ABHD6: variants seen among roughly 807,000 people sequenced by gnomAD.
ABHD6 encodes abhydrolase domain containing 6, acylglycerol lipase.
Under a neutral mutation model 38.8 loss-of-function variants are expected in ABHD6, and 33 were observed. That is an observed-to-expected ratio of 0.85 (90% CI 0.64 to 1.14). The LOEUF is 1.14. Ranked by LOEUF, ABHD6 falls within the 50% of genes most tolerant of loss-of-function variation. The probability of loss-of-function intolerance (pLI) is 0.00; values close to 1 mark genes in which losing one functional copy is unlikely to be tolerated. For missense variants in ABHD6, 380 were observed against 422.6 expected, an observed-to-expected ratio of 0.90 and a Z score of 0.88; for synonymous variants, 147 against 161.6, an observed-to-expected ratio of 0.91 and a Z score of 0.69.
At position 58,263,610 on chromosome 3, in the gene ABHD6, C is replaced by T. The variant is rs777073746; in HGVS notation, c.120-3579C>T. Among the ~76,000 whole-genome samples the T allele has an allele frequency of 3.3e-5, 5 of 152,280 alleles. No homozygotes were observed. The highest frequency in any genetic ancestry group is 1.9e-4 in the East Asian group (1 of 5,186). ...GGTTCAAGTCATACTTGGCTCTCCC[C>T]GAGGCCCTTGCCTCTGCTGTCTCTA... On this transcript the variant is annotated intron_variant, in intron 3 of 9. Transcript: ENST00000478253. This position sits in a 1 kb window ranked among gnomAD's most constrained non-coding sequence, Gnocchi z 4.9.
Position 58,293,912 on chromosome 3 carries a change from C to T in ABHD6, c.*147C>T, listed in dbSNP as rs997752347. The T allele has an allele frequency of 2.7e-5, 23 of 848,222 alleles. No homozygotes were observed. The Admixed American group carries it at 3.3e-4, about 12-fold the overall frequency. 52.5% of individuals were successfully genotyped at this position (848,222 alleles called of 1,614,324 possible). ...GCCCGTCCCTTATCCCTGGTATCCA[C>T]GGTTCCCCAGAGCTTTGGGGACCAC... On this transcript the variant is annotated 3_prime_UTR_variant, in exon 10 of 10. Transcript: ENST00000478253. This position sits in a 1 kb window ranked among gnomAD's most constrained non-coding sequence, Gnocchi z 4.4.
rs1411918025 is a variant in ABHD6 at position 58,267,044 on chromosome 3, C to G, written c.120-145C>G. 1 of 852,560 alleles carries G rather than the reference C, an allele frequency of 1.2e-6. No individual in the cohort carries two copies. The highest frequency in any genetic ancestry group is 1.7e-5 in the African/African-American group (1 of 59,040). 52.8% of individuals were successfully genotyped at this position (852,560 alleles called of 1,614,324 possible). A position where few individuals can be genotyped will look rare whatever the true frequency, so the allele number is the denominator to read the frequency against. On this transcript the variant is annotated intron_variant, in intron 3 of 9. Transcript: ENST00000478253. This position sits in a 1 kb window ranked among gnomAD's most constrained non-coding sequence, Gnocchi z 4.3. ...TCCTTGAGGGTAAAGCTCAGGAGGACTCTAGAGACTGATGGAGGACAAGGG... is the reference window on the plus strand; with the variant it reads ...TCCTTGAGGGTAAAGCTCAGGAGGAGTCTAGAGACTGATGGAGGACAAGGG...
At chr3:58,258,802 A>G (rs2097435075) in intron 3 of ABHD6, among the ~76,000 whole-genome samples, 1 of 152,072 alleles carries the variant, frequency 6.6e-6, no homozygotes, top group East Asian at 1.9e-4. Context: ...AACTAATTGA[A>G]TGGAAGGGAG....
intron 6 of ABHD6, among the ~76,000 whole-genome samples, chr3:58,272,802 C>A (rs554607433): frequency 2.1e-4 from 32 of 152,092 alleles, no homozygotes; most frequent in Non-Finnish European, 3.4e-4. Context: ...AGGATTATAT[C>A]CTACCAAGAG....
intron 7 of ABHD6, among the ~76,000 whole-genome samples, chr3:58,281,584 C>T (rs1370629926): frequency 6.6e-6 from 1 of 152,208 alleles, no homozygotes; most frequent in East Asian, 1.9e-4. Context: ...CTTCAGCTCG[C>T]CCTCTGTGGG....
In ABHD6 at chr3:58,263,665, C is replaced by G. The variant is rs1157073920; in HGVS notation, c.120-3524C>G. Among the ~76,000 whole-genome samples the G allele has an allele frequency of 6.6e-6, 1 of 152,222 alleles. No homozygotes were observed. The highest frequency in any genetic ancestry group is 1.5e-5 in the Non-Finnish European group (1 of 68,042). ...CTGGCACACCTTCTCCAGCTTCCAG[C>G]TGATGTATGTTGAGTATCCAGTAGT... On this transcript the variant is annotated intron_variant, in intron 3 of 9. Transcript: ENST00000478253. The surrounding 1 kb of genome is among the most constrained non-coding windows in gnomAD (Gnocchi z 4.9).
In ABHD6 at chr3:58,293,906, T is replaced by C. The variant is rs1345854890; in HGVS notation, c.*141T>C. On this transcript the variant is annotated 3_prime_UTR_variant, in exon 10 of 10. Transcript: ENST00000478253. This position sits in a 1 kb window ranked among gnomAD's most constrained non-coding sequence, Gnocchi z 4.4. ...GAGGAAGCCCGTCCCTTATCCCTGG[T>C]ATCCACGGTTCCCCAGAGCTTTGGG... 2.3e-6 allele frequency: 2 copies of C among 884,098 alleles called. No homozygotes were observed. The highest frequency in any genetic ancestry group is 3.3e-6 in the Non-Finnish European group (2 of 604,840). The allele number at this position is 884,098 out of a possible 1,614,324, so 54.8% of individuals were successfully genotyped here.
At chr3:58,284,009 A>G (rs1489081172) in intron 7 of ABHD6, among the ~76,000 whole-genome samples, 1 of 152,214 alleles carries the variant, frequency 6.6e-6, no homozygotes, top group Non-Finnish European at 1.5e-5. Flanking sequence ...CAGTCAGTGC[A>G]CAGGACTCCT....
chr3:58,281,485 T>C (rs1287310375), intron 7 of ABHD6, among the ~76,000 whole-genome samples: 1 of 152,164 alleles, frequency 6.6e-6, no homozygotes, highest in Non-Finnish European at 1.5e-5. Context: ...GTCCCAGTTT[T>C]CCAGGTACAG....
Position 58,269,469 on chromosome 3 carries a change from T to C in ABHD6, c.390+35T>C, listed in dbSNP as rs764075398. On this transcript the variant is annotated intron_variant, in intron 5 of 9. Coordinates refer to ENST00000478253, the MANE Select transcript of ABHD6 (RefSeq NM_001320126.2). This position sits in a 1 kb window ranked among gnomAD's most constrained non-coding sequence, Gnocchi z 4.4. ...AGGCTCTACCAAAGATTGCCCAGAC[T>C]GTCTCAGCCACCATTACATGTCTGA... is the stretch of plus-strand genomic sequence containing the variant. The C allele has an allele frequency of 6.6e-7, 1 of 1,520,552 alleles. No homozygotes were observed. The highest frequency in any genetic ancestry group is 9.1e-7 in the Non-Finnish European group (1 of 1,098,402). 94.2% of individuals were successfully genotyped at this position (1,520,552 alleles called of 1,614,324 possible).
chr3:58,276,696 G>GT (rs1424840424), intron 7 of ABHD6, among the ~76,000 whole-genome samples: 3 of 152,076 alleles, frequency 2.0e-5, no homozygotes, highest in Non-Finnish European at 4.4e-5. Context: ...GCCCATGCCT[G>GT]TTTCCTGTAT....
chr3:58,242,158 C>T (rs763874188), intron 1 of ABHD6, among the ~76,000 whole-genome samples: 8 of 152,066 alleles, frequency 5.3e-5, no homozygotes, highest in Non-Finnish European at 8.8e-5. Context: ...GAGAGCACGG[C>T]ATGTCTGGGG....
chr3:58,294,588 GCTA>G lies in ABHD6; in HGVS notation c.*827_*829del, dbSNP rs1457561585. ...GTGGGCCTCTTTTCTATTTCAATGT[GCTA>G]CTAAGAACCCTTGGATGTAACATAC... On this transcript the variant is annotated 3_prime_UTR_variant, in exon 10 of 10. Transcript: ENST00000478253. 6.6e-6 allele frequency: 1 copy of G among 152,586 alleles called. No individual in the cohort carries two copies. The highest frequency in any genetic ancestry group is 1.5e-5 in the Non-Finnish European group (1 of 68,034). The allele number at this position is 152,586 out of a possible 1,614,324, so 9.5% of individuals were successfully genotyped here. A position where few individuals can be genotyped will look rare whatever the true frequency, so the allele number is the denominator to read the frequency against.
chr3:58,262,231 A>G (rs988567842), intron 3 of ABHD6, among the ~76,000 whole-genome samples: 5 of 152,236 alleles, frequency 3.3e-5, no homozygotes, highest in African/African-American at 4.8e-5. Context: ...TAGGATGACA[A>G]AAAGTTCTAG....
intron 3 of ABHD6, among the ~76,000 whole-genome samples, chr3:58,262,994 G>C (rs2097438102): frequency 6.6e-6 from 1 of 152,194 alleles, no homozygotes; most frequent in African/African-American, 2.4e-5. Flanking sequence ...TAGATCACGA[G>C]GTCAGGAGTT....
intron 2 of ABHD6, among the ~76,000 whole-genome samples, chr3:58,250,466 A>T (rs1559771234): frequency 6.6e-6 from 1 of 152,104 alleles, no homozygotes; most frequent in Non-Finnish European, 1.5e-5. Context: ...TGGACATGAG[A>T]CCAGCACAGC....
rs181588328 is a variant in ABHD6, at chr3:58,269,554, G to A, written c.390+120G>A. ...TCATGACCAGTCTCCTGTACATTCTGTCTACAAGTGATGGCAAGCCAAATG... is the reference window on the plus strand; with the variant it reads ...TCATGACCAGTCTCCTGTACATTCTATCTACAAGTGATGGCAAGCCAAATG... On this transcript the variant is annotated intron_variant, in intron 5 of 9. Coordinates refer to ENST00000478253, the MANE Select transcript of ABHD6 (RefSeq NM_001320126.2). This position sits in a 1 kb window ranked among gnomAD's most constrained non-coding sequence, Gnocchi z 4.4. The A allele has an allele frequency of 2.7e-3, 2,031 of 740,628 alleles. 4 individuals are homozygous for A. Among genetic ancestry groups the A allele is most frequent in the Non-Finnish European group, 3.5e-3 (1,553 of 445,776 alleles). The allele number at this position is 740,628 out of a possible 1,614,324, so 45.9% of individuals were successfully genotyped here.
chr3:58,270,838 G>C, intron 5 of ABHD6, 94 bp from the exon 6 acceptor site: 1 of 1,375,034 alleles, frequency 7.3e-7, no homozygotes, highest in South Asian at 1.6e-5. Flanking sequence ...ATTTTCAGTT[G>C]TCCATAGGAA....
rs2097434020 is a variant in ABHD6 at position 58,257,223 on chromosome 3, A to G, written c.119+518A>G. On this transcript the variant is annotated intron_variant, in intron 3 of 9. Coordinates refer to ENST00000478253, the MANE Select transcript of ABHD6 (RefSeq NM_001320126.2). This position sits in a 1 kb window ranked among gnomAD's most constrained non-coding sequence, Gnocchi z 4.8. The stretch of plus-strand genomic sequence containing the variant: ...TACCCGGCCCTTTTAGGTTTCTGAT[A>G]GCATCTTTCTCCACCCACATTCCCA... Among the ~76,000 whole-genome samples, 1 of 151,898 alleles carries G rather than the reference A, an allele frequency of 6.6e-6. No individual in the cohort carries two copies. Among genetic ancestry groups the G allele is most frequent in the Admixed American group, 6.6e-5 (1 of 15,224 alleles).
Sources: allele counts gnomAD v4.1 joint callset (sites outside exome capture counted in the v4.1 genomes callset), GRCh38; gene constraint gnomAD v4.1.1; non-coding constraint Gnocchi (gnomAD v3.1); transcripts MANE v1.5; gene names NCBI Gene and HGNC (gene_info 2026-07-23, HGNC 2026-07-21).